Variants in HDAC9 observed in about 807,000 individuals in gnomAD.
HDAC9 encodes MEF-2 interacting transcription repressor (MITR) protein.
Under a neutral mutation model 139.4 loss-of-function variants are expected in HDAC9, and 41 were observed. That is an observed-to-expected ratio of 0.29 (90% CI 0.23 to 0.38). The LOEUF is 0.38. Ranked by LOEUF, HDAC9 falls within the 10% of genes least tolerant of loss-of-function variation. HDAC9 has a pLI of 1.00. For synonymous variants in HDAC9, 517 were observed against 476.2 expected (o/e 1.09, Z -1.12); for missense variants, 1,147 against 1,297.0 (o/e 0.88, Z 1.78).
At chr7:18,334,470 A>C (rs1333226378) in intron 1 of HDAC9, among the ~76,000 whole-genome samples, 2 of 151,428 alleles carry the variant, frequency 1.3e-5, no homozygotes, top group Non-Finnish European at 3.0e-5. Context: ...TATGTAAGAA[A>C]ATGTATCTCA....
At chr7:18,904,245 A>C (rs932425809) in intron 22 of HDAC9, among the ~76,000 whole-genome samples, 1 of 152,208 alleles carries the variant, frequency 6.6e-6, no homozygotes, top group Non-Finnish European at 1.5e-5. Context: ...GTAGAAGATA[A>C]TTATGAGAGA....
At chr7:18,356,620 A>G (rs181956261) in intron 1 of HDAC9, among the ~76,000 whole-genome samples, 1 of 152,206 alleles carries the variant, frequency 6.6e-6, no homozygotes, top group African/African-American at 2.4e-5. Context: ...ATTTCAGTTG[A>G]AACTTTCACA....
At chr7:18,813,085 T>G (rs1221676447) in intron 17 of HDAC9, among the ~76,000 whole-genome samples, 1 of 152,118 alleles carries the variant, frequency 6.6e-6, no homozygotes, top group Non-Finnish European at 1.5e-5. Context: ...CTTATAATTA[T>G]TTTTCAGATT....
intron 12 of HDAC9, among the ~76,000 whole-genome samples, chr7:18,713,419 A>T (rs1784483978): frequency 6.6e-6 from 1 of 152,216 alleles, no homozygotes; most frequent in Admixed American, 6.5e-5. Context: ...ACACAAAATA[A>T]TTAAGTACGT....
intron 1 of HDAC9, among the ~76,000 whole-genome samples, chr7:18,349,556 A>T (rs1859124702): frequency 6.6e-6 from 1 of 151,998 alleles, no homozygotes; most frequent in African/African-American, 2.4e-5. Context: ...TAAATATTTG[A>T]TTCTCAAACA....
At chr7:18,481,998 A>G (rs1432395645) in intron 1 of HDAC9, among the ~76,000 whole-genome samples, 2 of 152,138 alleles carry the variant, frequency 1.3e-5, no homozygotes, top group East Asian at 1.9e-4. Context: ...AGTCTTCACT[A>G]CCAGCATTTT....
At chr7:18,765,027 G>A (rs1789705515) in intron 15 of HDAC9, among the ~76,000 whole-genome samples, 1 of 152,060 alleles carries the variant, frequency 6.6e-6, no homozygotes, top group South Asian at 2.1e-4. Flanking sequence ...CTGGTGCAAG[G>A]CTTTCCTTAG....
intron 25 of HDAC9, among the ~76,000 whole-genome samples, chr7:18,995,491 A>G (rs1359393211): frequency 4.0e-4 from 61 of 152,234 alleles, no homozygotes; most frequent in Non-Finnish European, 1.5e-5. Context: ...ACCATAGTGC[A>G]TTTCTTGTAA....
intron 1 of HDAC9, among the ~76,000 whole-genome samples, chr7:18,144,779 T>C (rs1223231374): frequency 6.6e-6 from 1 of 152,126 alleles, no homozygotes; most frequent in Admixed American, 6.6e-5. Flanking sequence ...TCTCAGTCAC[T>C]GTGCTAGCAG....
chr7:18,791,306 T>C (rs2588624), intron 16 of HDAC9, among the ~76,000 whole-genome samples: 6,635 of 152,260 alleles, frequency 0.044, 492 homozygotes, highest in African/African-American at 0.15. Flanking sequence ...TTTATTTTAT[T>C]TTTTTGCTTG....
intron 19 of HDAC9, among the ~76,000 whole-genome samples, chr7:18,833,993 C>T (rs1392539632): frequency 1.3e-5 from 2 of 152,166 alleles, no homozygotes; most frequent in Non-Finnish European, 2.9e-5. Context: ...ATGTAAGTTT[C>T]AGTTAACTGT....
At chr7:18,895,216 A>G (rs576066107) in intron 22 of HDAC9, among the ~76,000 whole-genome samples, 27 of 152,288 alleles carry the variant, frequency 1.8e-4, no homozygotes, top group African/African-American at 5.8e-4. Context: ...GCCATATTCG[A>G]TAGGGCTCAG....
chr7:18,422,536 A>G (rs1248675728), intron 1 of HDAC9, among the ~76,000 whole-genome samples: 1 of 152,156 alleles, frequency 6.6e-6, no homozygotes, highest in Admixed American at 6.5e-5. Flanking sequence ...TGGTCTCTAA[A>G]GAGCACTCTA....
At chr7:18,936,650 A>G (rs1175862601) in intron 23 of HDAC9, among the ~76,000 whole-genome samples, 1 of 152,334 alleles carries the variant, frequency 6.6e-6, no homozygotes, top group South Asian at 2.1e-4. Flanking sequence ...ATTCATTAAT[A>G]TTATCCATTA....
intron 11 of HDAC9, among the ~76,000 whole-genome samples, chr7:18,663,195 G>A (rs750093444): frequency 3.3e-5 from 5 of 152,030 alleles, no homozygotes; most frequent in Non-Finnish European, 7.4e-5. Flanking sequence ...TTAGAGTAAT[G>A]CAGGGTTACT....
rs190764593 is a variant in HDAC9, at chr7:18,320,484, G to C, written c.-42+29969G>C. 7.9e-3 allele frequency among the ~76,000 whole-genome samples: 1,199 copies of C among 152,246 alleles called. 2 individuals carry two copies. The highest frequency in any genetic ancestry group is 0.011 in the Non-Finnish European group (752 of 68,020). ...TTGCTGCAGGATCGGTGGCTCTTCA[G>C]AGTATCCCTTATTGTCAATCACGTT... On this transcript the variant is annotated intron_variant, in intron 1 of 3. Coordinates refer to the HDAC9 transcript ENST00000413509.
intron 17 of HDAC9, among the ~76,000 whole-genome samples, chr7:18,825,417 A>T (rs1042786673): frequency 3.9e-5 from 6 of 152,168 alleles, no homozygotes; most frequent in Non-Finnish European, 7.4e-5. Flanking sequence ...GTCTTGTGAA[A>T]AGGAAGATGC....
Position 18,152,103 on chromosome 7 carries a change from A to ATT in HDAC9, c.-96-10114_-96-10113dup, listed in dbSNP as rs11398845. Among the ~76,000 whole-genome samples the ATT allele has an allele frequency of 1.0e-3, 145 of 145,440 alleles. 1 individual carries two copies. The highest frequency in any genetic ancestry group is 3.6e-3 in the East Asian group (18 of 4,942). On this transcript the variant is annotated intron_variant, in intron 1 of 12. Coordinates refer to the HDAC9 transcript ENST00000417496. ...ATTCCTGTAGCACTTGTGCTGTCCC[A>ATT]TTTTTTTTTTTTTAAAGAAAATAGC...
intron 2 of HDAC9, among the ~76,000 whole-genome samples, chr7:18,206,239 G>A (rs1791501211): frequency 6.6e-6 from 1 of 152,054 alleles, no homozygotes; most frequent in Non-Finnish European, 1.5e-5. Flanking sequence ...GTAACAAGGA[G>A]GGGATTAAAG....
Sources: gnomAD v4.1 joint callset for allele counts (sites outside exome capture counted in the v4.1 genomes callset) on GRCh38, gnomAD v4.1.1 for gene constraint, MANE v1.5 for transcripts, NCBI Gene and HGNC (gene_info 2026-07-23, HGNC 2026-07-21) for gene names.